BTAF1: variants seen among roughly 807,000 people sequenced by gnomAD.
The protein encoded by BTAF1 is TATA-binding protein-associated factor 172.
Under a neutral mutation model 227.1 loss-of-function variants are expected in BTAF1, and 38 were observed. The ratio of observed to expected loss-of-function variants is 0.17; its 90% CI spans 0.13 to 0.22. The LOEUF (loss-of-function observed/expected upper bound fraction) is 0.22. Ranked by LOEUF, BTAF1 falls within the 10% of genes least tolerant of loss-of-function variation. The pLI is 1.00. For missense variants in BTAF1, 1,598 were observed against 2,204.0 expected (o/e 0.73, Z 5.51); for synonymous variants, 742 against 751.9 (o/e 0.99, Z 0.21).
intron 1 of BTAF1, among the ~76,000 whole-genome samples, chr10:91,927,128 G>GT (rs1207994542): frequency 1.4e-4 from 16 of 116,110 alleles, no homozygotes; most frequent in Admixed American, 1.3e-3. Flanking sequence ...ACCTTAGTGT[G>GT]TTTTTTTGTT....
chr10:91,953,789 A>G lies in BTAF1; in HGVS notation c.617A>G (p.Asn206Ser). Residue 206 changes from asparagine to serine, a missense_variant, in exon 6 of 38, where the codon AAT becomes AGT. By Grantham distance (46) the Asn-to-Ser change is conservative. Transcript: ENST00000265990. Reference protein sequence around the residue: ...IDSEFRAGMSNRQKNKAKRMA... With the variant: ...IDSEFRAGMSSRQKNKAKRMA... ...TCAGAGTTTCGAGCAGGAATGAGCA[A>G]TAGACAAAAGAACAAAGCTAAAAGA... 1 of 1,614,100 alleles carries G rather than the reference A, an allele frequency of 6.2e-7. No homozygotes were observed. Among genetic ancestry groups the G allele is most frequent in the Non-Finnish European group, 8.5e-7 (1 of 1,179,968 alleles).
intron 25 of BTAF1, among the ~76,000 whole-genome samples, chr10:92,003,513 T>G (rs958344230): frequency 7.2e-5 from 11 of 152,230 alleles, no homozygotes; most frequent in African/African-American, 2.7e-4. Context: ...TGTCTTTCTG[T>G]GCCTGGCTGG....
intron 25 of BTAF1, among the ~76,000 whole-genome samples, chr10:92,002,323 T>C (rs1849603685): frequency 6.6e-6 from 1 of 152,218 alleles, no homozygotes; most frequent in Admixed American, 6.5e-5. Context: ...CAAAGAATCT[T>C]GGAATGTCAA....
intron 6 of BTAF1, among the ~76,000 whole-genome samples, chr10:91,954,981 A>G (rs981128565): frequency 3.0e-4 from 45 of 152,374 alleles, no homozygotes; most frequent in Admixed American, 1.0e-3. Context: ...TGCAAATGAC[A>G]GAACTTTTTG....
chr10:92,003,025 C>T (rs1413084549), intron 25 of BTAF1, among the ~76,000 whole-genome samples: 1 of 151,918 alleles, frequency 6.6e-6, no homozygotes, highest in Non-Finnish European at 1.5e-5. Context: ...GGCATGGTGG[C>T]ACGCACCTGT....
chr10:91,999,196 A>T (rs925452060), intron 25 of BTAF1, among the ~76,000 whole-genome samples: 4 of 151,896 alleles, frequency 2.6e-5, no homozygotes, highest in Non-Finnish European at 4.4e-5. Context: ...GGTAAGTTTA[A>T]TTTTTTTTAT....
intron 20 of BTAF1, among the ~76,000 whole-genome samples, chr10:91,991,767 TTATA>T (rs1163007088): frequency 9.2e-6 from 1 of 108,610 alleles, no homozygotes; most frequent in Non-Finnish European, 1.9e-5. Context: ...AAAAAAAAAA[TTATA>T]TATATGTGTG....
At chr10:91,950,373 G>A (rs1845688794) in intron 4 of BTAF1, among the ~76,000 whole-genome samples, 1 of 149,284 alleles carries the variant, frequency 6.7e-6, no homozygotes, top group South Asian at 2.1e-4. Flanking sequence ...GGTGCCTTTA[G>A]GTAGTTTGTT....
rs1451724175 is a variant in BTAF1, at chr10:92,018,719, C to G, written c.4711-64C>G. On this transcript the variant is annotated intron_variant, in intron 33 of 37. Transcript: ENST00000265990. Reference sequence around the variant, plus strand: ...ATAGGAAATAGCATAGGGAAAGATACAGAGATAAAAATATTTGTGATATGC... The same window carrying G: ...ATAGGAAATAGCATAGGGAAAGATAGAGAGATAAAAATATTTGTGATATGC... The G allele has an allele frequency of 2.3e-6, 3 of 1,313,594 alleles. No homozygotes were observed. The East Asian group carries it at 7.8e-5, about 34-fold the overall frequency. 81.4% of individuals were successfully genotyped at this position (1,313,594 alleles called of 1,614,324 possible). A position where few individuals can be genotyped will look rare whatever the true frequency, so the allele number is the denominator to read the frequency against.
At chr10:91,928,819 G>GTTGT (rs1215981629) in intron 1 of BTAF1, among the ~76,000 whole-genome samples, 11 of 129,982 alleles carry the variant, frequency 8.5e-5, no homozygotes, top group South Asian at 2.4e-4. Flanking sequence ...TGGCATTTTT[G>GTTGT]TTGTTTGTTT....
intron 8 of BTAF1, among the ~76,000 whole-genome samples, chr10:91,957,536 C>T (rs1357579468): frequency 6.6e-6 from 1 of 152,186 alleles, no homozygotes; most frequent in Admixed American, 6.5e-5. Context: ...AATCCAAAGG[C>T]TTGCATATCT....
At chr10:91,969,441 A>G (rs1468717128) in intron 14 of BTAF1, among the ~76,000 whole-genome samples, 1 of 152,072 alleles carries the variant, frequency 6.6e-6, no homozygotes, top group East Asian at 1.9e-4. Context: ...AGTCACCAAT[A>G]TTATTTGTTG....
intron 4 of BTAF1, among the ~76,000 whole-genome samples, chr10:91,948,332 A>T (rs544459653): frequency 1.3e-5 from 2 of 150,544 alleles, no homozygotes; most frequent in East Asian, 3.9e-4. Flanking sequence ...GTGGTTTAAA[A>T]TTTTTTTTTC....
At position 92,016,350 on chromosome 10, in the gene BTAF1, A is replaced by G; in HGVS notation, c.4595A>G (p.Tyr1532Cys). Residue 1532 changes from tyrosine (Y) to cysteine (C), a missense_variant, in exon 33 of 38, where the codon TAT becomes TGT. By Grantham distance (194) the Tyr-to-Cys change is radical (BLOSUM62 -2). Coordinates refer to ENST00000265990, the MANE Select transcript of BTAF1 (RefSeq NM_003972.3). ...GGGGCCATTTTACAGGTTCAGCTCT[A>G]TGAAGATTTTGCTAAGTCTCGTGCC... is the stretch of plus-strand genomic sequence containing the variant. ...CTLSPLQVQLYEDFAKSRAKC... is the reference protein window; with the variant it reads ...CTLSPLQVQLCEDFAKSRAKC... 1 of 1,598,602 alleles carries G rather than the reference A, an allele frequency of 6.3e-7. No individual in the cohort carries two copies.
intron 13 of BTAF1, 88 bp downstream of exon 13, chr10:91,964,289 C>T (rs946415395): frequency 3.5e-6 from 5 of 1,409,452 alleles, no homozygotes; most frequent in Non-Finnish European, 4.8e-6. Context: ...TATTTTAGCA[C>T]CTTTAAGAAT....
chr10:91,942,611 C>A, intron 4 of BTAF1, 43 bp downstream of exon 4: 1 of 1,599,094 alleles, frequency 6.3e-7, no homozygotes. Flanking sequence ...TTTGTTTTTT[C>A]AGACTAATTT....
intron 1 of BTAF1, among the ~76,000 whole-genome samples, chr10:91,933,573 T>A (rs1312817031): frequency 3.3e-5 from 5 of 152,130 alleles, no homozygotes; most frequent in Non-Finnish European, 2.9e-5. Flanking sequence ...GAAAGTATTG[T>A]AAGAATGGGG....
Position 92,008,832 on chromosome 10 carries a change from G to T in BTAF1, c.3817G>T (p.Gly1273Cys). 1 of 1,603,438 alleles carries T rather than the reference G, an allele frequency of 6.2e-7. No homozygotes were observed. Residue 1273 changes from glycine to cysteine, a missense_variant, in exon 27 of 38, where the codon GGT (glycine) becomes TGT (cysteine). Physicochemically the swap from Gly to Cys is radical, Grantham distance 159. Around this residue, in one of 10 missense-constraint regions of BTAF1, gnomAD observed 184 missense variants for 341.1 expected, o/e 0.54. Coordinates refer to ENST00000265990, the MANE Select transcript of BTAF1 (RefSeq NM_003972.3). ...NAELRKYQQD[G>C]VNWLAFLNKY... ...TTATGATTTTTCTCTCTATCAGGAT[G>T]GTGTGAACTGGTTAGCATTTCTTAA...
chr10:91,997,783 A>G lies in BTAF1; in HGVS notation c.3660+32A>G, dbSNP rs370355844. ...CAAAGATACTTGCTTTAAAGACATA[A>G]TGTTTTCTATAACTTGATCCATAAT... On this transcript the variant is annotated intron_variant, in intron 25 of 37. Transcript: ENST00000265990. 3.1e-6 allele frequency: 5 copies of G among 1,603,092 alleles called. No homozygotes were observed. The East Asian group carries it at 1.1e-4, about 36-fold the overall frequency.
Sources: allele counts gnomAD v4.1 joint callset (sites outside exome capture counted in the v4.1 genomes callset), GRCh38; gene constraint gnomAD v4.1.1; regional missense constraint gnomAD v4.1.1; transcripts MANE v1.5; gene names NCBI Gene and HGNC (gene_info 2026-07-23, HGNC 2026-07-21).